Variants in TDRD15 observed in about 807,000 individuals in gnomAD.
TDRD15 encodes tudor domain containing 15.
For synonymous variants in TDRD15, 503 were observed against 314.5 expected (o/e 1.60, Z -6.34); for missense variants, 1,416 against 904.7 (o/e 1.57, Z -7.25).
downstream of TDRD15, among the ~76,000 whole-genome samples, chr2:21,144,798 CA>C (rs754737062): frequency 6.8e-6 from 1 of 148,068 alleles, no homozygotes; most frequent in East Asian, 1.9e-4. Flanking sequence ...CGCACTTAAA[CA>C]AAATAAATAA....
chr2:21,140,989 A>G lies in TDRD15; in HGVS notation c.3522A>G (p.Gly1174=). ...CTACTTCTTTGAAAGGCAAAACAGG[A>G]AACAACTATCGCCATAATGTGATAA... The part of the protein sequence containing the change: ...RFTTSLKGKT[G]NNYRHNVINK... Residue 1174 remains glycine (G), a synonymous_variant, in exon 4 of 4, where the codon GGA becomes GGG. Transcript: ENST00000405799. 3 of 714,244 alleles carry G rather than the reference A, an allele frequency of 4.2e-6. No homozygotes were observed. The East Asian group carries it at 8.1e-5, about 19-fold the overall frequency. The allele number at this position is 714,244 out of a possible 1,614,324, so 44.2% of individuals were successfully genotyped here.
Position 21,141,191 on chromosome 2 carries a change from G to A in TDRD15, c.3724G>A (p.Ala1242Thr), listed in dbSNP as rs556149702. 3 of 714,750 alleles carry A rather than the reference G, an allele frequency of 4.2e-6. No homozygotes were observed. Among genetic ancestry groups the A allele is most frequent in the Non-Finnish European group, 5.2e-6 (2 of 383,740 alleles). 44.3% of individuals were successfully genotyped at this position (714,750 alleles called of 1,614,324 possible). A position where few individuals can be genotyped will look rare whatever the true frequency, so the allele number is the denominator to read the frequency against. Residue 1242 changes from alanine to threonine, a missense_variant, in exon 4 of 4, where the codon GCT (alanine) becomes ACT (threonine). By Grantham distance (58) the Ala-to-Thr change is moderately conservative. Coordinates refer to ENST00000405799, the MANE Select transcript of TDRD15 (RefSeq NM_001306137.2). ...GLKGIKIVPG[A>T]AHILENRRVG... is the part of the protein sequence containing the mutation. Reference sequence around the variant, plus strand: ...TAAAGGTATAAAAATTGTCCCTGGAGCTGCACATATTCTTGAGAACAGGCG... The same window carrying A: ...TAAAGGTATAAAAATTGTCCCTGGAACTGCACATATTCTTGAGAACAGGCG...
At position 21,137,593 on chromosome 2, in the gene TDRD15, C is replaced by T. The variant is rs1292116033; in HGVS notation, c.126C>T (p.Asp42=). 10 of 715,386 alleles carry T rather than the reference C, an allele frequency of 1.4e-5. No homozygotes were observed. Among genetic ancestry groups the T allele is most frequent in the Non-Finnish European group, 2.6e-5 (10 of 384,168 alleles). 44.3% of individuals were successfully genotyped at this position (715,386 alleles called of 1,614,324 possible). Residue 42 remains aspartate, a synonymous_variant, in exon 4 of 4, where the codon GAC becomes GAT. Transcript: ENST00000405799. ...QGIKSNECEF[D]YHVLQREIQH... ...TAAAGAGTAATGAATGTGAGTTTGA[C>T]TACCATGTATTGCAGAGAGAAATAC...
Position 21,124,043 on chromosome 2 carries a change from C to G in TDRD15, c.-204C>G, listed in dbSNP as rs2103431723. 6.6e-6 allele frequency: 1 copy of G among 152,526 alleles called. No homozygotes were observed. The highest frequency in any genetic ancestry group is 1.5e-5 in the Non-Finnish European group (1 of 68,212). The allele number at this position is 152,526 out of a possible 1,614,324, so 9.4% of individuals were successfully genotyped here. On this transcript the variant is annotated 5_prime_UTR_variant, in exon 1 of 4. Coordinates refer to ENST00000405799, the MANE Select transcript of TDRD15 (RefSeq NM_001306137.2). ...AGCGGCCTGACCCGCAGCAGAGATTCTTGGTAAACCCCAGCTCCGTTTATG... is the reference window on the plus strand; with the variant it reads ...AGCGGCCTGACCCGCAGCAGAGATTGTTGGTAAACCCCAGCTCCGTTTATG...
chr2:21,139,417 T>G lies in TDRD15; in HGVS notation c.1950T>G (p.Ile650Met). 1.4e-6 allele frequency: 1 copy of G among 712,622 alleles called. No individual in the cohort carries two copies. The highest frequency in any genetic ancestry group is 2.6e-6 in the Non-Finnish European group (1 of 383,344). 44.1% of individuals were successfully genotyped at this position (712,622 alleles called of 1,614,324 possible). Reference sequence around the variant, plus strand: ...AAAGTGTTGAAGCCTCAGAAAATATTGATGTTATCTCTCTTATGTTACAAG... The same window carrying G: ...AAAGTGTTGAAGCCTCAGAAAATATGGATGTTATCTCTCTTATGTTACAAG... ...NIQSVEASEN[I>M]DVISLMLQAG... The change falls in exon 4 of 4, where the codon ATT becomes ATG. Residue 650 changes from isoleucine (I) to methionine (M), a missense_variant. Coordinates refer to ENST00000405799, the MANE Select transcript of TDRD15 (RefSeq NM_001306137.2).
chr2:21,143,123 C>G lies in TDRD15; in HGVS notation c.5656C>G (p.His1886Asp), dbSNP rs1416522211. ...CTTAGTTTTTCAGTTTAGGGAATAT[C>G]ATTCTGAAACAAAACTGAAAGTAGA... ...PDLVFQFREY[H>D]SETKLKVDVI... Residue 1886 changes from histidine to aspartate, a missense_variant, in exon 4 of 4, where the codon CAT becomes GAT. By Grantham distance (81) the His-to-Asp change is moderately conservative. Transcript: ENST00000405799. 1 of 705,656 alleles carries G rather than the reference C, an allele frequency of 1.4e-6. No individual in the cohort carries two copies. The highest frequency in any genetic ancestry group is 2.7e-5 in the East Asian group (1 of 37,042). 43.7% of individuals were successfully genotyped at this position (705,656 alleles called of 1,614,324 possible).
rs1183002555 is a variant in TDRD15 at position 21,141,068 on chromosome 2, C to A, written c.3601C>A (p.Pro1201Thr). 4 of 704,936 alleles carry A rather than the reference C, an allele frequency of 5.7e-6. No homozygotes were observed. The highest frequency in any genetic ancestry group is 1.0e-5 in the Non-Finnish European group (4 of 381,304). 43.7% of individuals were successfully genotyped at this position (704,936 alleles called of 1,614,324 possible). ...SERKIDQLMH[P>T]KNIHARFLKP... ...AAGAAAAATAGACCAATTGATGCAT[C>A]CCAAAAATATACATGCCAGGTTTTT... The change falls in exon 4 of 4, where the codon CCC (proline) becomes ACC (threonine). Residue 1201 changes from proline (P) to threonine (T), a missense_variant. By Grantham distance (38) the Pro-to-Thr change is conservative (BLOSUM62 -1). Transcript: ENST00000405799.
chr2:21,141,947 G>A lies in TDRD15; in HGVS notation c.4480G>A (p.Asp1494Asn), dbSNP rs926053894. The part of the protein sequence containing the change: ...QVLSQKVRPG[D>N]NEMKKGKSNE... ...TCTCTCTCAAAAGGTGAGGCCAGGT[G>A]ATAATGAAATGAAGAAAGGAAAATC... The change falls in exon 4 of 4, where the codon GAT becomes AAT. Residue 1494 changes from aspartate to asparagine, a missense_variant. Coordinates refer to ENST00000405799, the MANE Select transcript of TDRD15 (RefSeq NM_001306137.2). The A allele has an allele frequency of 7.0e-6, 5 of 710,158 alleles. No individual in the cohort carries two copies. The highest frequency in any genetic ancestry group is 1.8e-5 in the African/African-American group (1 of 56,674). 44.0% of individuals were successfully genotyped at this position (710,158 alleles called of 1,614,324 possible).
Position 21,143,318 on chromosome 2 carries a change from CA to C in TDRD15, c.*52del, listed in dbSNP as rs1665976376. Reference sequence around the variant, plus strand: ...TCCCATTGTTAGATCAAAATTGTTACAAAAAACAAAATATAAATTTTACATA... The same window carrying C: ...TCCCATTGTTAGATCAAAATTGTTACAAAAACAAAATATAAATTTTACATA... On this transcript the variant is annotated 3_prime_UTR_variant, in exon 4 of 4. Transcript: ENST00000405799. The C allele has an allele frequency of 9.9e-6, 5 of 506,454 alleles. No homozygotes were observed. Among genetic ancestry groups the C allele is most frequent in the East Asian group, 3.2e-5 (1 of 31,484 alleles). The allele number at this position is 506,454 out of a possible 1,614,324, so 31.4% of individuals were successfully genotyped here. A position where few individuals can be genotyped will look rare whatever the true frequency, so the allele number is the denominator to read the frequency against.
At position 21,124,253 on chromosome 2, in the gene TDRD15, G is replaced by A. The variant is rs377494005; in HGVS notation, c.-201+207G>A. On this transcript the variant is annotated intron_variant, in intron 1 of 3. Transcript: ENST00000405799. ...CGGCTCAGATTCAGCCCTCCCACCC[G>A]GGAGCAGCAGCCCTTCCTCGAAAAA... 4.0e-3 allele frequency among the ~76,000 whole-genome samples: 608 copies of A among 152,276 alleles called. 3 individuals are homozygous for A. The highest frequency in any genetic ancestry group is 0.014 in the African/African-American group (580 of 41,550).
At position 21,138,450 on chromosome 2, in the gene TDRD15, G is replaced by A. The variant is rs1410334129; in HGVS notation, c.983G>A (p.Ser328Asn). 1.4e-6 allele frequency: 1 copy of A among 714,972 alleles called. No homozygotes were observed. The highest frequency in any genetic ancestry group is 2.6e-6 in the Non-Finnish European group (1 of 383,916). 44.3% of individuals were successfully genotyped at this position (714,972 alleles called of 1,614,324 possible). A position where few individuals can be genotyped will look rare whatever the true frequency, so the allele number is the denominator to read the frequency against. Reference sequence around the variant, plus strand: ...AAAATTTGGTTTATGGATTATGGCAGTAGCGAGGCTATACCCTCAATTTAT... The same window carrying A: ...AAAATTTGGTTTATGGATTATGGCAATAGCGAGGCTATACCCTCAATTTAT... ...QVKIWFMDYGSSEAIPSIYVK... is the reference protein window; with the variant it reads ...QVKIWFMDYGNSEAIPSIYVK... Residue 328 changes from serine to asparagine, a missense_variant, in exon 4 of 4, where the codon AGT becomes AAT. By Grantham distance (46) the Ser-to-Asn change is conservative. Transcript: ENST00000405799.
chr2:21,139,748 A>G lies in TDRD15; in HGVS notation c.2281A>G (p.Lys761Glu), dbSNP rs539250970. Residue 761 changes from lysine to glutamate, a missense_variant, in exon 4 of 4, where the codon AAA becomes GAA. Coordinates refer to ENST00000405799, the MANE Select transcript of TDRD15 (RefSeq NM_001306137.2). ...IFRPGTVLEV[K>E]CSCYYGPGDF... ...TAGACCAGGAACAGTTCTTGAAGTT[A>G]AATGTTCCTGTTATTATGGCCCAGG... The G allele has an allele frequency of 3.2e-4, 230 of 715,538 alleles. 1 individual carries two copies. The highest frequency in any genetic ancestry group is 6.4e-4 in the Admixed American group (32 of 49,912). The allele number at this position is 715,538 out of a possible 1,614,324, so 44.3% of individuals were successfully genotyped here.
Position 21,140,042 on chromosome 2 carries a change from C to T in TDRD15, c.2575C>T (p.Gln859Ter). The change falls in exon 4 of 4, where the codon CAA (glutamine) becomes TAA (stop). Residue 859 changes from glutamine to a stop codon, truncating the protein, a stop_gained. Coordinates refer to ENST00000405799, the MANE Select transcript of TDRD15 (RefSeq NM_001306137.2). LOFTEE classifies it low-confidence loss of function (END_TRUNC). ...CCCACGTTTTCTCTTGTTAGAAAGCCAAGCCTTCAGATGTTGTCTTAACCA... is the reference window on the plus strand; with the variant it reads ...CCCACGTTTTCTCTTGTTAGAAAGCTAAGCCTTCAGATGTTGTCTTAACCA... ...INPRFLLLES[Q>*]AFRCCLNHFI... 1.4e-6 allele frequency: 1 copy of T among 715,714 alleles called. No individual in the cohort carries two copies. The allele number at this position is 715,714 out of a possible 1,614,324, so 44.3% of individuals were successfully genotyped here.
Position 21,124,496 on chromosome 2 carries a change from T to TGA in TDRD15, c.-201+451_-201+452dup, listed in dbSNP as rs1553306561. On this transcript the variant is annotated intron_variant, in intron 1 of 3. Transcript: ENST00000405799. Reference sequence around the variant, plus strand: ...GCCAGGGTGTGTGTGTGTGTGTGTGTGACAGAGTGATCCTAATGCCAGGGT... The same window carrying TGA: ...GCCAGGGTGTGTGTGTGTGTGTGTGTGAGACAGAGTGATCCTAATGCCAGGGT... Among the ~76,000 whole-genome samples, 5 of 129,056 alleles carry TGA rather than the reference T, an allele frequency of 3.9e-5. No homozygotes were observed. The East Asian group carries it at 9.5e-4, about 24-fold the overall frequency. 84.7% of individuals were successfully genotyped at this position (129,056 alleles called of 152,430 possible). A position where few individuals can be genotyped will look rare whatever the true frequency, so the allele number is the denominator to read the frequency against.
At chr2:21,131,654 A>G (rs1168627928) in intron 2 of TDRD15, among the ~76,000 whole-genome samples, 2 of 152,198 alleles carry the variant, frequency 1.3e-5, no homozygotes, top group Non-Finnish European at 2.9e-5. Flanking sequence ...TTAAGCAGAC[A>G]TTGAAGAGAT....
intron 1 of TDRD15, among the ~76,000 whole-genome samples, chr2:21,125,694 C>T (rs1572292810): frequency 6.6e-6 from 1 of 152,066 alleles, no homozygotes; most frequent in Admixed American, 6.5e-5. Context: ...TCAGCTAAAG[C>T]AGAGGGTAAA....
downstream of TDRD15, among the ~76,000 whole-genome samples, chr2:21,145,602 G>GA (rs1056653688): frequency 2.0e-5 from 3 of 151,916 alleles, no homozygotes; most frequent in South Asian, 2.1e-4. Flanking sequence ...CATATGTAAG[G>GA]AAAAAAATCA....
chr2:21,126,162 C>T (rs1359767664), intron 1 of TDRD15, among the ~76,000 whole-genome samples: 1 of 152,180 alleles, frequency 6.6e-6, no homozygotes, highest in Non-Finnish European at 1.5e-5. Flanking sequence ...GCATATCCAT[C>T]ACCTTCAAAG....
At chr2:21,146,798 G>A (rs1666037809), downstream of TDRD15, among the ~76,000 whole-genome samples, 3 of 152,118 alleles carry the variant, frequency 2.0e-5, no homozygotes, top group South Asian at 6.2e-4. Context: ...TGATAGACAT[G>A]TGAAATGTCA....
Sources: allele counts gnomAD v4.1 joint callset (sites outside exome capture counted in the v4.1 genomes callset), GRCh38; gene constraint gnomAD v4.1.1; transcripts MANE v1.5; gene names NCBI Gene and HGNC (gene_info 2026-07-23, HGNC 2026-07-21).